The following PHTF1 variants were observed in gnomAD, a reference collection of about 807,000 sequenced individuals.
PHTF1 encodes protein PHTF1.
Under a neutral mutation model 102.4 loss-of-function variants are expected in PHTF1, and 88 were observed. The observed-to-expected ratio is 0.86, with a 90% CI of 0.72 to 1.03. The LOEUF is 1.03. Among genes scored for constraint, PHTF1 ranks in the 50% least tolerant of loss-of-function variants. The pLI, the probability that PHTF1 is intolerant of heterozygous loss-of-function variation, is 0.00. For missense variants in PHTF1, 814 were observed against 909.5 expected, an observed-to-expected ratio of 0.89 and a Z score of 1.35; for synonymous variants, 289 against 305.2, an observed-to-expected ratio of 0.95 and a Z score of 0.55.
intron 7 of PHTF1, among the ~76,000 whole-genome samples, chr1:113,723,156 C>A (rs560686383): frequency 6.6e-6 from 1 of 151,480 alleles, no homozygotes; most frequent in Non-Finnish European, 1.5e-5. Context: ...GGAAATAGAT[C>A]CATACATCTA....
chr1:113,710,916 G>A (rs1250961716), intron 10 of PHTF1, among the ~76,000 whole-genome samples: 1 of 151,108 alleles, frequency 6.6e-6, no homozygotes, highest in Non-Finnish European at 1.5e-5. Context: ...AAAGTGCTGA[G>A]ATTACAGGCA....
At chr1:113,711,313 C>T (rs1410403816) in intron 10 of PHTF1, among the ~76,000 whole-genome samples, 1 of 152,204 alleles carries the variant, frequency 6.6e-6, no homozygotes, top group Non-Finnish European at 1.5e-5. Flanking sequence ...ACCATCTACT[C>T]TGCTCACCTC....
chr1:113,716,342 CT>C (rs1180513920), intron 7 of PHTF1, among the ~76,000 whole-genome samples: 297 of 120,958 alleles, frequency 2.5e-3, no homozygotes, highest in East Asian at 8.8e-3. Flanking sequence ...TTATTTTTCC[CT>C]TTTTTTTTTT....
At chr1:113,698,750 A>T in intron 17 of PHTF1, 1 of 212,202 alleles carries the variant, frequency 4.7e-6, no homozygotes, top group Non-Finnish European at 9.2e-6. Flanking sequence ...TATTAACCCA[A>T]AACCATCAGG....
chr1:113,734,173 T>G (rs1260429855), intron 5 of PHTF1, among the ~76,000 whole-genome samples: 1 of 152,090 alleles, frequency 6.6e-6, no homozygotes, highest in Non-Finnish European at 1.5e-5. Flanking sequence ...GGCAGGAGAA[T>G]CACTTGAACC....
At chr1:113,754,073 T>C (rs1487664374) in intron 3 of PHTF1, among the ~76,000 whole-genome samples, 5 of 152,218 alleles carry the variant, frequency 3.3e-5, no homozygotes, top group Non-Finnish European at 7.3e-5. Flanking sequence ...AAGGATTCTT[T>C]TTATTATTCT....
At chr1:113,730,552 A>G (rs1272837828) in intron 5 of PHTF1, among the ~76,000 whole-genome samples, 1 of 152,206 alleles carries the variant, frequency 6.6e-6, no homozygotes, top group Non-Finnish European at 1.5e-5. Flanking sequence ...ATATGGTTGT[A>G]TCATTATAAA....
At chr1:113,731,215 A>AGCAG (rs1038983022) in intron 5 of PHTF1, among the ~76,000 whole-genome samples, 3 of 152,168 alleles carry the variant, frequency 2.0e-5, no homozygotes, top group African/African-American at 4.8e-5. Context: ...ACAAGATCTA[A>AGCAG]GCAGGCCTTA....
intron 3 of PHTF1, among the ~76,000 whole-genome samples, chr1:113,756,647 C>A (rs1162586107): frequency 1.3e-5 from 2 of 152,178 alleles, no homozygotes; most frequent in African/African-American, 4.8e-5. Flanking sequence ...GGTTACCAAG[C>A]AACCATTCCA....
chr1:113,730,617 G>A (rs1654492910), intron 5 of PHTF1, among the ~76,000 whole-genome samples: 1 of 152,172 alleles, frequency 6.6e-6, no homozygotes, highest in Non-Finnish European at 1.5e-5. Flanking sequence ...GTTTAATAAA[G>A]CGGCTGGTTA....
Position 113,710,377 on chromosome 1 carries a change from T to C in PHTF1, c.1146A>G (p.Leu382=). 2 of 1,614,146 alleles carry C rather than the reference T, an allele frequency of 1.2e-6. No homozygotes were observed. The highest frequency in any genetic ancestry group is 1.7e-6 in the Non-Finnish European group (2 of 1,179,996). ...TRHDSETEDM[L]WDDLLHGPEC... ...CTGGGCCATGTAGCAGGTCGTCCCA[T>C]AACATGTCCTCAGTCTCCGAGTCAT... Residue 382 remains leucine, a synonymous_variant, in exon 11 of 19, where the codon TTA becomes TTG. Coordinates refer to ENST00000369604, the MANE Select transcript of PHTF1 (RefSeq NM_001323043.2).
chr1:113,697,531 C>T lies in PHTF1; in HGVS notation c.*174G>A. On this transcript the variant is annotated 3_prime_UTR_variant, in exon 19 of 19. Coordinates refer to ENST00000369604, the MANE Select transcript of PHTF1 (RefSeq NM_001323043.2). ...AATACAGGTTTTTAGCATGCACACC[C>T]AGTTGGAAAAGGACTTGCTCCTCCG... 1 of 563,862 alleles carries T rather than the reference C, an allele frequency of 1.8e-6. No individual in the cohort carries two copies. The highest frequency in any genetic ancestry group is 3.2e-6 in the Non-Finnish European group (1 of 308,506). 34.9% of individuals were successfully genotyped at this position (563,862 alleles called of 1,614,324 possible).
At chr1:113,741,465 T>C (rs1208679119) in intron 3 of PHTF1, among the ~76,000 whole-genome samples, 1 of 152,234 alleles carries the variant, frequency 6.6e-6, no homozygotes. Context: ...GGTAAAAATA[T>C]TACTTTTTAC....
At chr1:113,741,532 C>T (rs1571222352) in intron 3 of PHTF1, among the ~76,000 whole-genome samples, 1 of 152,158 alleles carries the variant, frequency 6.6e-6, no homozygotes, top group Non-Finnish European at 1.5e-5. Flanking sequence ...CAGTGCTATT[C>T]CCCATCACTT....
intron 7 of PHTF1, among the ~76,000 whole-genome samples, chr1:113,720,224 G>T (rs1299617918): frequency 6.6e-6 from 1 of 152,084 alleles, no homozygotes; most frequent in Non-Finnish European, 1.5e-5. Flanking sequence ...TGATAAAGGG[G>T]TCAATGCAGC....
rs569291959 is a variant in PHTF1, at chr1:113,705,784, T to C, written c.1671+106A>G. 6.5e-6 allele frequency: 5 copies of C among 767,060 alleles called. No individual in the cohort carries two copies. In the East Asian group the frequency reaches 1.0e-4, roughly 16 times the overall value. 47.5% of individuals were successfully genotyped at this position (767,060 alleles called of 1,614,324 possible). On this transcript the variant is annotated intron_variant, in intron 13 of 18. Coordinates refer to ENST00000369604, the MANE Select transcript of PHTF1 (RefSeq NM_001323043.2). ...CAAAAGTCCACTTATCAATCCTTTA[T>C]TGCCCACATCAACTTGAAGAGAGAC...
At chr1:113,742,267 T>C (rs1011548244) in intron 3 of PHTF1, among the ~76,000 whole-genome samples, 12 of 152,174 alleles carry the variant, frequency 7.9e-5, no homozygotes, top group African/African-American at 2.7e-4. Flanking sequence ...GCAGAATATT[T>C]AGGCAATTTT....
At chr1:113,701,383 C>A (rs1164381729) in intron 15 of PHTF1, among the ~76,000 whole-genome samples, 2 of 152,132 alleles carry the variant, frequency 1.3e-5, no homozygotes, top group Non-Finnish European at 2.9e-5. Context: ...CTCCAAATAA[C>A]AATAGCAGCA....
At chr1:113,738,619 A>G (rs1655882586) in intron 4 of PHTF1, 111 bp downstream of exon 4, 1 of 700,274 alleles carries the variant, frequency 1.4e-6, no homozygotes, top group Non-Finnish European at 2.5e-6. Context: ...ATGAGAGTAA[A>G]GTGTTACATT....
Sources: gnomAD v4.1 joint callset for allele counts (sites outside exome capture counted in the v4.1 genomes callset) on GRCh38, gnomAD v4.1.1 for gene constraint, MANE v1.5 for transcripts, NCBI Gene and HGNC (gene_info 2026-07-23, HGNC 2026-07-21) for gene names.